The following FMN1 variants were observed in gnomAD, a reference collection of about 807,000 sequenced individuals.
FMN1 encodes the protein formin 1.
Under a neutral mutation model 132.4 loss-of-function variants are expected in FMN1, and 110 were observed. The ratio of observed to expected loss-of-function variants is 0.83; its 90% CI spans 0.71 to 0.97. The LOEUF (loss-of-function observed/expected upper bound fraction) is 0.97, where lower values mean the gene tolerates loss of function less well. Among genes scored for constraint, FMN1 ranks in the 50% least tolerant of loss-of-function variants. The pLI is 0.00. For missense variants in FMN1, 1,792 were observed against 1,705.3 expected, an observed-to-expected ratio of 1.05 and a Z score of -0.90; for synonymous variants, 722 against 651.7, an observed-to-expected ratio of 1.11 and a Z score of -1.64.
intron 17 of FMN1, among the ~76,000 whole-genome samples, chr15:32,837,713 G>C (rs2058659994): frequency 6.6e-6 from 1 of 152,200 alleles, no homozygotes; most frequent in Non-Finnish European, 1.5e-5. Flanking sequence ...TTTTGCGTCA[G>C]ATATATAGGG....
At chr15:33,029,139 C>T (rs1401503596) in intron 6 of FMN1, among the ~76,000 whole-genome samples, 1 of 152,074 alleles carries the variant, frequency 6.6e-6, no homozygotes, top group East Asian at 1.9e-4. Flanking sequence ...TAGACTAACC[C>T]CCTTCCTCAA....
intron 10 of FMN1, among the ~76,000 whole-genome samples, chr15:32,918,615 C>T (rs1319364558): frequency 6.6e-6 from 1 of 152,156 alleles, no homozygotes. Context: ...TAAGATTGTC[C>T]ATGGTTCAAA....
chr15:32,838,886 C>T (rs2141201556), intron 17 of FMN1, among the ~76,000 whole-genome samples: 1 of 152,292 alleles, frequency 6.6e-6, no homozygotes, highest in African/African-American at 2.4e-5. Flanking sequence ...GCCCAGCAGT[C>T]CCCATTATCT....
chr15:33,090,417 G>A (rs1170445389), intron 4 of FMN1, among the ~76,000 whole-genome samples: 1 of 152,140 alleles, frequency 6.6e-6, no homozygotes, highest in Non-Finnish European at 1.5e-5. Context: ...TTTGGCTGTT[G>A]TTTGCCTGTT....
In FMN1 at chr15:32,769,859, A is replaced by G. The variant is rs557889178; in HGVS notation, c.*4451T>C. On this transcript the variant is annotated 3_prime_UTR_variant, in exon 21 of 21. Transcript: ENST00000616417. ...TCCCTAAAGGTAAAATAACTAATAC[A>G]AAACAAATTTTAAAAAGTGGAAGCT... 24 of 152,346 alleles carry G rather than the reference A, an allele frequency of 1.6e-4. No individual in the cohort carries two copies. The highest frequency in any genetic ancestry group is 5.5e-4 in the African/African-American group (23 of 41,580). The allele number at this position is 152,346 out of a possible 1,614,324, so 9.4% of individuals were successfully genotyped here.
intron 16 of FMN1, among the ~76,000 whole-genome samples, chr15:32,870,642 T>C (rs779821747): frequency 6.6e-6 from 1 of 152,228 alleles, no homozygotes; most frequent in East Asian, 1.9e-4. Context: ...TCCACTGTGA[T>C]GATTATGTGG....
chr15:33,166,243 G>A (rs1250435064), intron 3 of FMN1, among the ~76,000 whole-genome samples: 2 of 151,890 alleles, frequency 1.3e-5, no homozygotes, highest in Non-Finnish European at 2.9e-5. Flanking sequence ...AATGGAACTG[G>A]ACTCAAATCC....
chr15:33,092,784 T>C (rs1462576982), intron 4 of FMN1, among the ~76,000 whole-genome samples: 1 of 152,202 alleles, frequency 6.6e-6, no homozygotes, highest in East Asian at 1.9e-4. Flanking sequence ...AGAAGCACTG[T>C]AATTATTAAA....
chr15:32,810,937 G>A (rs1317419629), intron 17 of FMN1: 2 of 455,884 alleles, frequency 4.4e-6, no homozygotes, highest in South Asian at 1.5e-5. Context: ...TATGGGAGCC[G>A]GGTGATGCTA....
chr15:32,949,325 G>C (rs1234348615), intron 9 of FMN1, among the ~76,000 whole-genome samples: 2 of 152,058 alleles, frequency 1.3e-5, no homozygotes, highest in Non-Finnish European at 2.9e-5. Flanking sequence ...AAAGAGCATG[G>C]TACTAATACA....
intron 9 of FMN1, among the ~76,000 whole-genome samples, chr15:32,958,771 G>C (rs1265060523): frequency 1.3e-5 from 2 of 152,194 alleles, no homozygotes; most frequent in African/African-American, 4.8e-5. Flanking sequence ...GCTGGGTGCA[G>C]TGGCTCACGC....
At chr15:33,101,443 C>G (rs1297874631) in intron 4 of FMN1, among the ~76,000 whole-genome samples, 2 of 151,094 alleles carry the variant, frequency 1.3e-5, no homozygotes, top group Non-Finnish European at 2.9e-5. Flanking sequence ...CTAACACTAA[C>G]AATAGCTGAT....
chr15:33,123,742 T>C (rs1962785365), intron 4 of FMN1, among the ~76,000 whole-genome samples: 1 of 152,200 alleles, frequency 6.6e-6, no homozygotes, highest in Non-Finnish European at 1.5e-5. Flanking sequence ...CTTCCTCCAT[T>C]TGGCCTTTTG....
chr15:32,812,015 T>TAAACAAAC (rs71424675), intron 17 of FMN1, among the ~76,000 whole-genome samples: 184 of 150,480 alleles, frequency 1.2e-3, no homozygotes, highest in South Asian at 3.2e-3. Flanking sequence ...TTATGGACAC[T>TAAACAAAC]AAACAAACAA....
chr15:32,904,742 T>C (rs371609506), intron 12 of FMN1, among the ~76,000 whole-genome samples: 1 of 152,194 alleles, frequency 6.6e-6, no homozygotes, highest in East Asian at 1.9e-4. Flanking sequence ...TTTATGACCC[T>C]TGCCATCCAA....
At chr15:33,188,994 G>A in intron 2 of FMN1, among the ~76,000 whole-genome samples, 1 of 152,080 alleles carries the variant, frequency 6.6e-6, no homozygotes, top group East Asian at 1.9e-4. Flanking sequence ...AAACTTTAAG[G>A]TTTTTTTGTT....
At chr15:32,952,137 A>G (rs1210160019) in intron 9 of FMN1, among the ~76,000 whole-genome samples, 1 of 152,294 alleles carries the variant, frequency 6.6e-6, no homozygotes, top group South Asian at 2.1e-4. Context: ...TGGGTTTTAT[A>G]GGGCTAAGTT....
At chr15:33,172,180 A>C (rs1396334560) in intron 3 of FMN1, among the ~76,000 whole-genome samples, 3 of 151,562 alleles carry the variant, frequency 2.0e-5, no homozygotes, top group Non-Finnish European at 2.9e-5. Flanking sequence ...TGCACTCCAG[A>C]CTGGGTGGCA....
At chr15:33,107,936 G>A (rs1040545819) in intron 4 of FMN1, among the ~76,000 whole-genome samples, 2 of 152,062 alleles carry the variant, frequency 1.3e-5, no homozygotes, top group African/African-American at 2.4e-5. Flanking sequence ...AACTCTGGAA[G>A]CCACAGAGGT....
Sources: allele counts gnomAD v4.1 joint callset (sites outside exome capture counted in the v4.1 genomes callset), GRCh38; gene constraint gnomAD v4.1.1; transcripts MANE v1.5; gene names NCBI Gene and HGNC (gene_info 2026-07-23, HGNC 2026-07-21).